Variants in ZNRF1 observed in about 807,000 individuals in gnomAD.
The protein encoded by ZNRF1 is E3 ubiquitin-protein ligase ZNRF1.
In ZNRF1, 3 loss-of-function variants were observed where a neutral mutation model predicts 18.4. That is an observed-to-expected ratio of 0.16 (90% CI 0.07 to 0.42). ZNRF1 has a LOEUF of 0.42. Among genes scored for constraint, ZNRF1 ranks in the 10% least tolerant of loss-of-function variants. ZNRF1 has a pLI of 0.99. For missense variants in ZNRF1, 310 were observed against 329.8 expected, an observed-to-expected ratio of 0.94 and a Z score of 0.47; for synonymous variants, 157 against 144.2, an observed-to-expected ratio of 1.09 and a Z score of -0.64.
intron 1 of ZNRF1, among the ~76,000 whole-genome samples, chr16:75,062,549 ATG>A (rs1217910869): frequency 2.0e-5 from 3 of 152,174 alleles, no homozygotes; most frequent in Non-Finnish European, 4.4e-5. Flanking sequence ...TTTGTCATCT[ATG>A]TGTGTAGCAG....
intron 1 of ZNRF1, among the ~76,000 whole-genome samples, chr16:75,040,299 G>A (rs1341338147): frequency 1.3e-5 from 2 of 151,660 alleles, no homozygotes; most frequent in African/African-American, 4.8e-5. Flanking sequence ...CTGCCACCTA[G>A]GCTGGAGTAC....
intron 1 of ZNRF1, among the ~76,000 whole-genome samples, chr16:75,067,719 C>T (rs1468145026): frequency 6.6e-6 from 1 of 152,084 alleles, no homozygotes; most frequent in African/African-American, 2.4e-5. Context: ...GGATGGATTG[C>T]TTAATAGATA....
chr16:75,049,587 C>G (rs746636471), intron 1 of ZNRF1, among the ~76,000 whole-genome samples: 1 of 152,040 alleles, frequency 6.6e-6, no homozygotes, highest in African/African-American at 2.4e-5. Context: ...ACTTGAGCTC[C>G]GGAGTTAGAG....
At chr16:75,045,240 A>G (rs944302535) in intron 1 of ZNRF1, among the ~76,000 whole-genome samples, 4 of 152,230 alleles carry the variant, frequency 2.6e-5, no homozygotes, top group African/African-American at 9.6e-5. Flanking sequence ...AACCCTGGCC[A>G]GGGCTCAAGA....
chr16:75,047,028 T>C (rs988610097), intron 1 of ZNRF1: 2 of 152,234 alleles, frequency 1.3e-5, no homozygotes, highest in Non-Finnish European at 2.9e-5. Flanking sequence ...TTTGTGTGTA[T>C]GTTAAAAGTG....
At chr16:75,072,072 G>A (rs180942046) in intron 1 of ZNRF1, among the ~76,000 whole-genome samples, 79 of 152,056 alleles carry the variant, frequency 5.2e-4, no homozygotes, top group Non-Finnish European at 9.6e-4. Flanking sequence ...CCGAATAGCT[G>A]GGACTACAAA....
intron 1 of ZNRF1, among the ~76,000 whole-genome samples, chr16:75,060,917 G>T (rs2035736297): frequency 6.6e-6 from 1 of 152,134 alleles, no homozygotes; most frequent in South Asian, 2.1e-4. Context: ...AAATAGGGAA[G>T]GAAGTTCTCA....
chr16:75,041,562 C>T (rs1335722948), intron 1 of ZNRF1, among the ~76,000 whole-genome samples: 2 of 151,082 alleles, frequency 1.3e-5, no homozygotes, highest in Non-Finnish European at 3.0e-5. Flanking sequence ...AACTCTTGAC[C>T]CAAGTGATAC....
rs1379311048 is a variant in ZNRF1, at chr16:75,093,694, C to A, written c.520+27C>A. On this transcript the variant is annotated intron_variant, in intron 2 of 4. Transcript: ENST00000335325. ...TAAGGGCTTGGCCTGCCTCACCAGCCTCCAGAGCATCCGTCGGGGGAGCCG... is the reference window on the plus strand; with the variant it reads ...TAAGGGCTTGGCCTGCCTCACCAGCATCCAGAGCATCCGTCGGGGGAGCCG... The A allele has an allele frequency of 2.5e-6, 4 of 1,589,498 alleles. No homozygotes were observed. In the South Asian group the frequency reaches 4.4e-5, roughly 18 times the overall value.
chr16:75,058,121 TTA>T (rs1491383408), intron 1 of ZNRF1, among the ~76,000 whole-genome samples: 18 of 146,826 alleles, frequency 1.2e-4, no homozygotes, highest in Non-Finnish European at 2.0e-4. Flanking sequence ...TTTTTTTTTT[TTA>T]AATATTTTAT....
Position 75,073,392 on chromosome 16 carries a change from T to C in ZNRF1, c.425-20180T>C, listed in dbSNP as rs142822632. Among the ~76,000 whole-genome samples the C allele has an allele frequency of 6.2e-4, 95 of 152,234 alleles. 1 individual carries two copies. Among genetic ancestry groups the C allele is most frequent in the African/African-American group, 2.1e-3 (87 of 41,536 alleles). On this transcript the variant is annotated intron_variant, in intron 1 of 4. Coordinates refer to ENST00000335325, the MANE Select transcript of ZNRF1 (RefSeq NM_032268.5). ...TTTGACACACTATTGCTGGTCTCAC[T>C]GGTCTTGGCCAGGCTGCTGTCTTGG...
rs1388834424 is a variant in ZNRF1 at position 75,110,541 on chromosome 16, A to C, written c.*2841A>C. On this transcript the variant is annotated 3_prime_UTR_variant, in exon 5 of 5. Transcript: ENST00000335325. The stretch of plus-strand genomic sequence containing the variant: ...GATTATATAGGTGAATGCCTTCAAG[A>C]AATGTGTAATTTAATTCCAAATAGT... 1 of 152,250 alleles carries C rather than the reference A, an allele frequency of 6.6e-6. No individual in the cohort carries two copies. The highest frequency in any genetic ancestry group is 1.5e-5 in the Non-Finnish European group (1 of 68,048). The allele number at this position is 152,250 out of a possible 1,614,324, so 9.4% of individuals were successfully genotyped here.
At chr16:75,107,564 G>T in intron 4 of ZNRF1, 169 bp from the exon 5 acceptor site, 1 of 376,846 alleles carries the variant, frequency 2.7e-6, no homozygotes, top group Non-Finnish European at 5.4e-6. Flanking sequence ...AGGCAGGGGA[G>T]TAGAACCTGC....
At chr16:75,011,397 T>A (rs1164661146) in intron 1 of ZNRF1, among the ~76,000 whole-genome samples, 1 of 152,194 alleles carries the variant, frequency 6.6e-6, no homozygotes. Flanking sequence ...ATTTTTTAAC[T>A]AAAAACAAAC....
chr16:75,018,430 A>G (rs1393606567), intron 1 of ZNRF1, among the ~76,000 whole-genome samples: 1 of 152,112 alleles, frequency 6.6e-6, no homozygotes, highest in Non-Finnish European at 1.5e-5. Context: ...TTCTTATTTT[A>G]AGATTGCTGG....
intron 1 of ZNRF1, 38 bp from the exon 2 acceptor site, chr16:75,093,534 C>G (rs1237022622): frequency 6.6e-7 from 1 of 1,520,318 alleles, no homozygotes; most frequent in Non-Finnish European, 9.1e-7. Context: ...TGTACTGGAT[C>G]TGGAGAAAAC....
chr16:75,104,714 C>A, intron 2 of ZNRF1, 70 bp from the exon 3 acceptor site: 2 of 1,378,680 alleles, frequency 1.5e-6, no homozygotes, highest in Non-Finnish European at 2.0e-6. Context: ...GTTCCTAGGC[C>A]CTTGCTTGCC....
chr16:75,034,311 T>C (rs924411357), intron 1 of ZNRF1, among the ~76,000 whole-genome samples: 1 of 152,128 alleles, frequency 6.6e-6, no homozygotes, highest in Non-Finnish European at 1.5e-5. Flanking sequence ...TCCATTTCCC[T>C]CTCCCCTCAG....
intron 1 of ZNRF1, among the ~76,000 whole-genome samples, chr16:75,047,860 C>T (rs1016723419): frequency 1.3e-5 from 2 of 152,072 alleles, no homozygotes; most frequent in African/African-American, 4.8e-5. Context: ...GTTGTTTCTT[C>T]TGAGGCCTCT....
Sources: gnomAD v4.1 joint callset for allele counts (sites outside exome capture counted in the v4.1 genomes callset) on GRCh38, gnomAD v4.1.1 for gene constraint, MANE v1.5 for transcripts, NCBI Gene and HGNC (gene_info 2026-07-23, HGNC 2026-07-21) for gene names.